Variants in RAPGEF6 observed in about 807,000 individuals in gnomAD.
RAPGEF6 encodes the protein PDZ domain containing guanine nucleotide exchange factor (GEF) 2.
In RAPGEF6, 56 loss-of-function variants were observed where a neutral mutation model predicts 171.4. The observed-to-expected ratio is 0.33, with a 90% CI of 0.26 to 0.41. The LOEUF (loss-of-function observed/expected upper bound fraction) is 0.41. Among genes scored for constraint, RAPGEF6 ranks in the 10% least tolerant of loss-of-function variants. The pLI, the probability that RAPGEF6 is intolerant of heterozygous loss-of-function variation, is 1.00. For missense variants in RAPGEF6, 1,674 were observed against 1,921.4 expected, an observed-to-expected ratio of 0.87 and a Z score of 2.41; for synonymous variants, 692 against 650.1, an observed-to-expected ratio of 1.06 and a Z score of -0.98.
At chr5:131,611,517 C>T (rs1430928092) in intron 1 of RAPGEF6, among the ~76,000 whole-genome samples, 2 of 152,156 alleles carry the variant, frequency 1.3e-5, no homozygotes, top group East Asian at 3.9e-4. Context: ...ACTAAAAATA[C>T]AAAAATTAGC....
chr5:131,594,505 T>C (rs1291942635), intron 3 of RAPGEF6, among the ~76,000 whole-genome samples: 1 of 152,136 alleles, frequency 6.6e-6, no homozygotes, highest in African/African-American at 2.4e-5. Flanking sequence ...AATGTGGGGT[T>C]GGAGCCCCCA....
At chr5:131,603,871 T>C (rs1348693460) in intron 2 of RAPGEF6, among the ~76,000 whole-genome samples, 2 of 152,192 alleles carry the variant, frequency 1.3e-5, no homozygotes, top group Non-Finnish European at 2.9e-5. Flanking sequence ...TTTATCAATC[T>C]GGTCAATAAC....
At chr5:131,614,365 C>T (rs1765142989) in intron 1 of RAPGEF6, among the ~76,000 whole-genome samples, 1 of 150,934 alleles carries the variant, frequency 6.6e-6, no homozygotes. Context: ...AGAGGTTTGG[C>T]TCATGGTCCT....
At chr5:131,501,582 C>G (rs1309776021) in intron 11 of RAPGEF6, among the ~76,000 whole-genome samples, 1 of 151,756 alleles carries the variant, frequency 6.6e-6, no homozygotes, top group African/African-American at 2.4e-5. Flanking sequence ...AAAATCAACA[C>G]AGTGTTTAAA....
intron 1 of RAPGEF6, among the ~76,000 whole-genome samples, chr5:131,628,447 A>C (rs535730396): frequency 5.9e-5 from 9 of 152,214 alleles, no homozygotes; most frequent in Non-Finnish European, 1.2e-4. Context: ...AGATGGCTGC[A>C]GAAGAAAAGT....
chr5:131,578,372 C>T (rs1401617941), intron 4 of RAPGEF6, among the ~76,000 whole-genome samples: 1 of 152,114 alleles, frequency 6.6e-6, no homozygotes, highest in Non-Finnish European at 1.5e-5. Flanking sequence ...ACAGATGTCC[C>T]CACTCTATAG....
chr5:131,528,068 A>C, intron 6 of RAPGEF6, among the ~76,000 whole-genome samples: 1 of 76,212 alleles, frequency 1.3e-5, no homozygotes, highest in South Asian at 4.5e-4. Context: ...TAATATATAA[A>C]TTTATAATTT....
chr5:131,463,754 A>C, intron 18 of RAPGEF6: 1 of 1,023,588 alleles, frequency 9.8e-7, no homozygotes, highest in Non-Finnish European at 1.2e-6. Context: ...CAAAGTACAT[A>C]CTGGCCATAT....
intron 6 of RAPGEF6, among the ~76,000 whole-genome samples, chr5:131,536,526 C>T (rs1759787464): frequency 6.6e-6 from 1 of 152,104 alleles, no homozygotes; most frequent in Admixed American, 6.6e-5. Flanking sequence ...CTGATCACCC[C>T]CATTTTTGTT....
intron 6 of RAPGEF6, among the ~76,000 whole-genome samples, chr5:131,526,560 T>C (rs1396915656): frequency 6.6e-6 from 1 of 152,194 alleles, no homozygotes; most frequent in African/African-American, 2.4e-5. Context: ...ATCTTTTCTT[T>C]GTATCAAATG....
At chr5:131,605,955 G>A (rs1183105893) in intron 1 of RAPGEF6, among the ~76,000 whole-genome samples, 2 of 148,576 alleles carry the variant, frequency 1.3e-5, no homozygotes, top group East Asian at 2.0e-4. Flanking sequence ...GCGTGAACCC[G>A]GCAGGCGGAG....
At chr5:131,575,350 A>C (rs1762543221) in intron 4 of RAPGEF6, among the ~76,000 whole-genome samples, 1 of 152,030 alleles carries the variant, frequency 6.6e-6, no homozygotes, top group South Asian at 2.1e-4. Context: ...AGCCCCTCTT[A>C]CGAATCTTCC....
chr5:131,571,731 CG>C (rs1253289020), intron 4 of RAPGEF6, among the ~76,000 whole-genome samples: 8 of 152,058 alleles, frequency 5.3e-5, no homozygotes, highest in Non-Finnish European at 1.0e-4. Context: ...AGAAATCATA[CG>C]GAACTGCAAA....
At chr5:131,535,852 T>C (rs1024938346) in intron 6 of RAPGEF6, among the ~76,000 whole-genome samples, 1 of 152,134 alleles carries the variant, frequency 6.6e-6, no homozygotes, top group South Asian at 2.1e-4. Flanking sequence ...TATGTTAATA[T>C]GTGACAACAC....
intron 1 of RAPGEF6, among the ~76,000 whole-genome samples, chr5:131,606,169 C>A (rs1304410911): frequency 6.6e-6 from 1 of 151,584 alleles, no homozygotes; most frequent in Non-Finnish European, 1.5e-5. Flanking sequence ...TAGAGACCAG[C>A]CTGGGCAACA....
rs896928107 is a variant in RAPGEF6, at chr5:131,423,993, C to G, written c.*3273G>C. On this transcript the variant is annotated 3_prime_UTR_variant, in exon 28 of 28. Transcript: ENST00000509018. ...TAATAATAAATGGTATTTTTACATT[C>G]TCTTAACCAAAAATATAACAAATAT... The G allele has an allele frequency of 3.9e-5, 6 of 152,250 alleles. No homozygotes were observed. The highest frequency in any genetic ancestry group is 7.4e-5 in the Non-Finnish European group (5 of 68,020). The allele number at this position is 152,250 out of a possible 1,614,324, so 9.4% of individuals were successfully genotyped here.
intron 1 of RAPGEF6, among the ~76,000 whole-genome samples, chr5:131,625,674 G>C (rs1053297498): frequency 2.0e-5 from 3 of 152,096 alleles, no homozygotes; most frequent in African/African-American, 7.2e-5. Flanking sequence ...AAATTAGCCA[G>C]GCATGGTGGC....
At chr5:131,566,268 G>C (rs949296767) in intron 4 of RAPGEF6, among the ~76,000 whole-genome samples, 1 of 151,846 alleles carries the variant, frequency 6.6e-6, no homozygotes, top group African/African-American at 2.4e-5. Context: ...TGTCTAGTTT[G>C]TTCAAATACT....
At chr5:131,602,863 T>C (rs1764337595) in intron 3 of RAPGEF6, among the ~76,000 whole-genome samples, 2 of 152,294 alleles carry the variant, frequency 1.3e-5, no homozygotes, top group Admixed American at 6.5e-5. Flanking sequence ...TTATATATTG[T>C]ACAGCAGTGA....
Sources: allele counts gnomAD v4.1 joint callset (sites outside exome capture counted in the v4.1 genomes callset), GRCh38; gene constraint gnomAD v4.1.1; transcripts MANE v1.5; gene names NCBI Gene and HGNC (gene_info 2026-07-23, HGNC 2026-07-21).